The following ADAM20 variants were observed in gnomAD, a reference collection of about 807,000 sequenced individuals.
The protein encoded by ADAM20 is disintegrin and metalloproteinase domain-containing protein 20.
For missense variants in ADAM20, 871 were observed against 883.2 expected (o/e 0.99, Z 0.18); for synonymous variants, 305 against 310.2 (o/e 0.98, Z 0.18).
At position 70,524,446 on chromosome 14, in the gene ADAM20, GA is replaced by G; in HGVS notation, c.311del (p.Phe104SerfsTer35). 1 of 1,614,046 alleles carries G rather than the reference GA, an allele frequency of 6.2e-7. No homozygotes were observed. The highest frequency in any genetic ancestry group is 8.5e-7 in the Non-Finnish European group (1 of 1,179,940). On this transcript the variant is annotated frameshift_variant, in exon 2 of 2. Transcript: ENST00000256389. LOFTEE classifies it low-confidence loss of function (END_TRUNC). ...EQHALLQDQPFIQDDCYYHGY... is the reference protein window; with the variant it reads ...EQHALLQDQPXIQDDCYYHGY... ...CATGGTAGTAGCAGTCATCCTGGAT[GA>G]AGGGCTGATCCTGGAGCAGGGCATG...
chr14:70,556,725 A>G, the ADAM20 span: 1 of 152,280 alleles, frequency 6.6e-6, no homozygotes, highest in African/African-American at 2.4e-5. Context: ...CAGAAAATAC[A>G]GTATTCACAG....
Position 70,522,929 on chromosome 14 carries a change from T to C in ADAM20, c.1829A>G (p.Asp610Gly). ...MAIPDIGEVK[D>G]GTVCGPEKIC... ...CTTTTCTGGACCACATACTGTGCCATCTTTCACCTCACCAATATCAGGTAT... is the reference window on the plus strand; with the variant it reads ...CTTTTCTGGACCACATACTGTGCCACCTTTCACCTCACCAATATCAGGTAT... The change falls in exon 2 of 2, where the codon GAT becomes GGT. Residue 610 changes from aspartate (D) to glycine (G), a missense_variant. Transcript: ENST00000256389. 6.2e-7 allele frequency: 1 copy of C among 1,614,088 alleles called. No individual in the cohort carries two copies. The highest frequency in any genetic ancestry group is 8.5e-7 in the Non-Finnish European group (1 of 1,179,968).
chr14:70,545,254 C>A, the ADAM20 span, among the ~76,000 whole-genome samples: 2 of 152,158 alleles, frequency 1.3e-5, no homozygotes, highest in Non-Finnish European at 2.9e-5. Context: ...CTTCTTATTG[C>A]TGAAGAGGGT....
the ADAM20 span, among the ~76,000 whole-genome samples, chr14:70,578,214 A>T: frequency 1.2e-4 from 19 of 152,142 alleles, no homozygotes; most frequent in Admixed American, 7.9e-4. Context: ...ATGATCTTTG[A>T]CAAAGTCAAC....
At chr14:70,564,082 A>G in the ADAM20 span, among the ~76,000 whole-genome samples, 4 of 152,114 alleles carry the variant, frequency 2.6e-5, no homozygotes, top group Admixed American at 1.3e-4. Flanking sequence ...ATTTCAGTGT[A>G]CTCCCCAAGG....
chr14:70,523,164 G>T lies in ADAM20; in HGVS notation c.1594C>A (p.Gln532Lys), dbSNP rs1234390010. 2 of 1,613,936 alleles carry T rather than the reference G, an allele frequency of 1.2e-6. No homozygotes were observed. Among genetic ancestry groups the T allele is most frequent in the Non-Finnish European group, 1.7e-6 (2 of 1,179,928 alleles). Reference protein sequence around the residue: ...DARSASQSCYQEINTQGNRFG... With the variant: ...DARSASQSCYKEINTQGNRFG... ...CGGTTTCCTTGGGTGTTGATTTCTT[G>T]GTAGCAACTCTGAGATGCACTCCTT... The change falls in exon 2 of 2, where the codon CAA becomes AAA. Residue 532 changes from glutamine (Q) to lysine (K), a missense_variant. Physicochemically the swap from Gln to Lys is moderately conservative, Grantham distance 53 (BLOSUM62 1). Transcript: ENST00000256389.
the ADAM20 span, among the ~76,000 whole-genome samples, chr14:70,564,415 C>T: frequency 3.3e-5 from 5 of 151,938 alleles, no homozygotes; most frequent in African/African-American, 1.2e-4. Context: ...AGGGAGGGTG[C>T]CTCTCTATAG....
chr14:70,577,274 A>T, the ADAM20 span, among the ~76,000 whole-genome samples: 2 of 152,214 alleles, frequency 1.3e-5, no homozygotes, highest in Admixed American at 1.3e-4. Context: ...AAATAATATC[A>T]TGAAAAAGTG....
intron 1 of ADAM20, among the ~76,000 whole-genome samples, chr14:70,532,438 A>G (rs1034509739): frequency 2.0e-5 from 3 of 152,202 alleles, no homozygotes; most frequent in Non-Finnish European, 4.4e-5. Flanking sequence ...CATGACACCA[A>G]AAGCACGGGC....
chr14:70,540,110 A>C, the ADAM20 span, among the ~76,000 whole-genome samples: 1 of 151,924 alleles, frequency 6.6e-6, no homozygotes, highest in African/African-American at 2.4e-5. Context: ...CAGTCTCTTG[A>C]CCTCGTGATC....
At chr14:70,577,089 C>T in the ADAM20 span, among the ~76,000 whole-genome samples, 3 of 152,164 alleles carry the variant, frequency 2.0e-5, no homozygotes, top group Non-Finnish European at 1.5e-5. Context: ...GTTTGGTATG[C>T]AAACTCTTTC....
chr14:70,560,726 C>T, the ADAM20 span, among the ~76,000 whole-genome samples: 2 of 152,004 alleles, frequency 1.3e-5, no homozygotes, highest in African/African-American at 2.4e-5. Context: ...CCTTCACTCT[C>T]TCTCTCTTGC....
At chr14:70,570,536 T>C in the ADAM20 span, among the ~76,000 whole-genome samples, 3 of 152,288 alleles carry the variant, frequency 2.0e-5, no homozygotes, top group African/African-American at 7.2e-5. Context: ...AATGGATATA[T>C]TCCTGGAAAA....
the ADAM20 span, among the ~76,000 whole-genome samples, chr14:70,565,782 TGTAAA>T: frequency 6.6e-6 from 1 of 152,266 alleles, no homozygotes; most frequent in Non-Finnish European, 1.5e-5. Flanking sequence ...CTACAGCTGA[TGTAAA>T]GTATACAGGA....
chr14:70,557,526 CAA>C, the ADAM20 span: 1 of 152,162 alleles, frequency 6.6e-6, no homozygotes. Context: ...CTGCTTTCAA[CAA>C]AGTTTTTACT....
chr14:70,563,716 C>T, the ADAM20 span, among the ~76,000 whole-genome samples: 1 of 152,096 alleles, frequency 6.6e-6, no homozygotes. Flanking sequence ...CTGCCCCCCT[C>T]CACTCTATTT....
At chr14:70,577,722 TAG>T in the ADAM20 span, among the ~76,000 whole-genome samples, 40 of 152,290 alleles carry the variant, frequency 2.6e-4, 1 homozygote, top group Admixed American at 1.6e-3. Context: ...CGGAATACCA[TAG>T]AGTCTCTCAA....
chr14:70,570,980 C>G, the ADAM20 span, among the ~76,000 whole-genome samples: 3 of 152,146 alleles, frequency 2.0e-5, no homozygotes, highest in Admixed American at 6.5e-5. Context: ...TTATTCACCA[C>G]ACAAACAGAA....
the ADAM20 span, among the ~76,000 whole-genome samples, chr14:70,562,766 C>T: frequency 1.3e-5 from 2 of 152,192 alleles, no homozygotes; most frequent in Non-Finnish European, 2.9e-5. Context: ...TTGTAAGTTT[C>T]CTGAGGCCTC....
Sources: allele counts gnomAD v4.1 joint callset (sites outside exome capture counted in the v4.1 genomes callset), GRCh38; gene constraint gnomAD v4.1.1; transcripts MANE v1.5; gene names NCBI Gene and HGNC (gene_info 2026-07-23, HGNC 2026-07-21).